ACOXL: variants seen among roughly 807,000 people sequenced by gnomAD.
ACOXL encodes the protein acyl-coenzyme A oxidase-like protein.
In ACOXL, 70 loss-of-function variants were observed where a neutral mutation model predicts 71.9. The observed-to-expected ratio is 0.97, with a 90% CI of 0.80 to 1.19. The LOEUF (loss-of-function observed/expected upper bound fraction) is 1.19, where lower values mean the gene tolerates loss of function less well. Ranked by LOEUF, ACOXL falls within the 50% of genes most tolerant of loss-of-function variation. The pLI is 0.00. For synonymous variants in ACOXL, 253 were observed against 281.6 expected, an observed-to-expected ratio of 0.90 and a Z score of 1.02; for missense variants, 703 against 736.3, an observed-to-expected ratio of 0.95 and a Z score of 0.52.
chr2:110,900,215 G>T (rs902817118), intron 10 of ACOXL, among the ~76,000 whole-genome samples: 2 of 134,810 alleles, frequency 1.5e-5, no homozygotes, highest in Non-Finnish European at 1.7e-5. Flanking sequence ...GAGTAGAAGA[G>T]ACTTTAACCC....
rs13389309 is a variant in ACOXL at position 111,024,384 on chromosome 2, T to C, written c.1282-7243T>C. On this transcript the variant is annotated intron_variant, in intron 14 of 17. Transcript: ENST00000439055. ...TCTTTATAAGAAGAGCAGAGACTCA[T>C]GGAAGAAGGCTTTATGCTGGTGGAG... Among the ~76,000 whole-genome samples, 1,496 of 152,222 alleles carry C rather than the reference T, an allele frequency of 9.8e-3. 24 individuals carry two copies. Among genetic ancestry groups the C allele is most frequent in the African/African-American group, 0.034 (1,400 of 41,532 alleles).
intron 2 of ACOXL, among the ~76,000 whole-genome samples, chr2:110,782,036 G>T (rs1261922543): frequency 6.6e-6 from 1 of 152,178 alleles, no homozygotes; most frequent in Non-Finnish European, 1.5e-5. Context: ...GAATAGCATG[G>T]ACTGTAATTT....
intron 10 of ACOXL, among the ~76,000 whole-genome samples, chr2:110,898,787 A>G (rs980940207): frequency 1.3e-5 from 2 of 152,214 alleles, no homozygotes; most frequent in Non-Finnish European, 2.9e-5. Flanking sequence ...TTGGAAAAGG[A>G]GTAATAAAAC....
intron 10 of ACOXL, among the ~76,000 whole-genome samples, chr2:110,859,238 G>A (rs555722286): frequency 2.0e-5 from 3 of 152,266 alleles, no homozygotes; most frequent in Admixed American, 2.0e-4. Context: ...CCATTTGACC[G>A]GACGCTGTGT....
intron 9 of ACOXL, among the ~76,000 whole-genome samples, chr2:110,833,960 C>G (rs555517868): frequency 6.6e-6 from 1 of 152,158 alleles, no homozygotes; most frequent in Admixed American, 6.5e-5. Flanking sequence ...GAGAGGGGTC[C>G]ACAAGCTGAG....
chr2:110,875,117 T>A (rs1458725792), intron 10 of ACOXL, among the ~76,000 whole-genome samples: 12 of 152,198 alleles, frequency 7.9e-5, no homozygotes, highest in African/African-American at 2.4e-4. Flanking sequence ...CGCAGGCCAA[T>A]GACGCAGCAC....
At chr2:110,874,964 C>G (rs183013878) in intron 10 of ACOXL, among the ~76,000 whole-genome samples, 1 of 152,162 alleles carries the variant, frequency 6.6e-6, no homozygotes, top group African/African-American at 2.4e-5. Flanking sequence ...GGGATTCTCA[C>G]TGACCTTGTT....
At chr2:110,919,782 A>G (rs2060000169) in intron 11 of ACOXL, among the ~76,000 whole-genome samples, 1 of 152,192 alleles carries the variant, frequency 6.6e-6, no homozygotes, top group Non-Finnish European at 1.5e-5. Context: ...TTCCTTTTCT[A>G]GAATGTCATA....
intron 12 of ACOXL, among the ~76,000 whole-genome samples, chr2:110,958,135 G>GCACA (rs1331334535): frequency 6.6e-6 from 1 of 150,902 alleles, no homozygotes; most frequent in Non-Finnish European, 1.5e-5. Context: ...GCATACACAC[G>GCACA]CACACACACA....
intron 2 of ACOXL, among the ~76,000 whole-genome samples, chr2:110,773,049 A>T (rs926764802): frequency 2.0e-5 from 3 of 152,252 alleles, no homozygotes; most frequent in African/African-American, 7.2e-5. Flanking sequence ...GAATCCTCAG[A>T]AAAGGTCCAG....
rs567758816 is a variant in ACOXL at position 111,017,792 on chromosome 2, T to G, written c.1282-13835T>G. On this transcript the variant is annotated intron_variant, in intron 14 of 17. Coordinates refer to ENST00000439055, the MANE Select transcript of ACOXL (RefSeq NM_001142807.4). ...CCCTCCTTCCCTGCTTGCCAGCACC[T>G]TGGGCAGTTAGGTAGTGTGGTTCTG... 3.3e-5 allele frequency: 5 copies of G among 152,432 alleles called. No individual in the cohort carries two copies. The East Asian group carries it at 9.7e-4, about 29-fold the overall frequency. The allele number at this position is 152,432 out of a possible 1,614,324, so 9.4% of individuals were successfully genotyped here.
chr2:110,933,781 C>A, intron 12 of ACOXL, 139 bp downstream of exon 12: 2 of 1,088,166 alleles, frequency 1.8e-6, no homozygotes, highest in Non-Finnish European at 1.3e-6. Context: ...CCTTCCTTAC[C>A]AGCCTCATAG....
intron 1 of ACOXL, among the ~76,000 whole-genome samples, chr2:110,753,018 C>G (rs1018560810): frequency 1.8e-4 from 28 of 152,050 alleles, no homozygotes; most frequent in African/African-American, 6.8e-4. Flanking sequence ...GAGGTGGGAC[C>G]TAGTGGGAGG....
intron 10 of ACOXL, among the ~76,000 whole-genome samples, chr2:110,873,324 G>A (rs1053346900): frequency 3.9e-5 from 6 of 152,094 alleles, no homozygotes; most frequent in Non-Finnish European, 7.4e-5. Flanking sequence ...GAGGAGGCTC[G>A]GTGGCAGCCA....
At chr2:110,753,408 C>T (rs1395616196) in intron 1 of ACOXL, among the ~76,000 whole-genome samples, 2 of 152,186 alleles carry the variant, frequency 1.3e-5, no homozygotes, top group African/African-American at 4.8e-5. Flanking sequence ...TGGAATGAGA[C>T]CTCAGTTCCT....
chr2:110,830,004 A>ATATT, intron 9 of ACOXL, among the ~76,000 whole-genome samples: 1 of 152,362 alleles, frequency 6.6e-6, no homozygotes. Flanking sequence ...TGTCCCTGAC[A>ATATT]AAGCACTCAT....
chr2:111,065,458 C>A (rs553881150), intron 16 of ACOXL, among the ~76,000 whole-genome samples: 1 of 152,110 alleles, frequency 6.6e-6, no homozygotes, highest in African/African-American at 2.4e-5. Flanking sequence ...TATGGTTAGA[C>A]GGTGAGCTCT....
chr2:111,082,599 G>T (rs774496688), intron 16 of ACOXL, among the ~76,000 whole-genome samples: 15 of 152,300 alleles, frequency 9.8e-5, no homozygotes, highest in Non-Finnish European at 1.9e-4. Context: ...TTCAACCATT[G>T]TGGAAGACAC....
At chr2:111,010,568 A>G (rs2064102119) in intron 14 of ACOXL, among the ~76,000 whole-genome samples, 1 of 152,178 alleles carries the variant, frequency 6.6e-6, no homozygotes, top group Non-Finnish European at 1.5e-5. Flanking sequence ...ATTTTTATCA[A>G]TAATGACAGC....
Sources: allele counts gnomAD v4.1 joint callset (sites outside exome capture counted in the v4.1 genomes callset), GRCh38; gene constraint gnomAD v4.1.1; transcripts MANE v1.5; gene names NCBI Gene and HGNC (gene_info 2026-07-23, HGNC 2026-07-21).